Variants in CD164 observed in about 807,000 individuals in gnomAD.
The protein encoded by CD164 is sialomucin core protein 24.
A neutral mutation model predicts 24.6 loss-of-function variants in CD164; 11 were observed. The observed-to-expected ratio is 0.45, with a 90% CI of 0.28 to 0.74. The LOEUF is 0.74. Among genes scored for constraint, CD164 ranks in the 30% least tolerant of loss-of-function variants. The pLI, the probability that CD164 is intolerant of heterozygous loss-of-function variation, is 0.13. For missense variants in CD164, 295 were observed against 243.7 expected (o/e 1.21, Z -1.40); for synonymous variants, 126 against 100.3 (o/e 1.26, Z -1.53).
intron 1 of CD164, chr6:109,381,961 G>A (rs1009033635): frequency 1.6e-5 from 6 of 379,386 alleles, no homozygotes; most frequent in Admixed American, 4.6e-5. Context: ...AACACTTCGA[G>A]GGGGGCCCCA....
chr6:109,369,003 T>A lies in CD164; in HGVS notation c.442A>T (p.Thr148Ser). The part of the protein sequence containing the change: ...TVTTSGTTNN[T>S]VTPTSQPVRK... ...ACAGGTTGTGAGGTTGGAGTCACAG[T>A]GTTATTTGTTGTACCTGTTAGATAA... is the stretch of plus-strand genomic sequence containing the variant. Residue 148 changes from threonine (T) to serine (S), a missense_variant, in exon 6 of 6, where the codon ACT becomes TCT. By Grantham distance (58) the Thr-to-Ser change is moderately conservative. Coordinates refer to ENST00000310786, the MANE Select transcript of CD164 (RefSeq NM_006016.6). 1 of 1,612,282 alleles carries A rather than the reference T, an allele frequency of 6.2e-7. No homozygotes were observed. Among genetic ancestry groups the A allele is most frequent in the Non-Finnish European group, 8.5e-7 (1 of 1,179,316 alleles).
At chr6:109,373,419 G>A (rs949790032) in intron 4 of CD164, among the ~76,000 whole-genome samples, 7 of 152,146 alleles carry the variant, frequency 4.6e-5, no homozygotes, top group African/African-American at 1.4e-4. Flanking sequence ...GCCCGGAAAA[G>A]AAACCGCCTA....
At chr6:109,372,133 T>TA (rs1223792116) in intron 4 of CD164, 1 of 151,974 alleles carries the variant, frequency 6.6e-6, no homozygotes, top group Non-Finnish European at 1.5e-5. Context: ...CAGAAATGAG[T>TA]AATCTTTTCA....
chr6:109,375,616 C>A (rs1771349368), intron 4 of CD164, among the ~76,000 whole-genome samples: 1 of 60,582 alleles, frequency 1.7e-5, no homozygotes, highest in Non-Finnish European at 3.1e-5. Flanking sequence ...GACTTCGCTT[C>A]CAAAAAAAAA....
Position 109,382,357 on chromosome 6 carries a change from G to A in CD164, c.22C>T (p.Leu8=). 1 of 1,554,798 alleles carries A rather than the reference G, an allele frequency of 6.4e-7. No homozygotes were observed. Among genetic ancestry groups the A allele is most frequent in the East Asian group, 2.4e-5 (1 of 41,668 alleles). The change falls in exon 1 of 6, where the codon CTG becomes TTG. Residue 8 remains leucine (L), a synonymous_variant. Coordinates refer to ENST00000310786, the MANE Select transcript of CD164 (RefSeq NM_006016.6). MSRLSRS[L]LWAATCLGVL... ...CCCAGGCAGGTGGCGGCCCAAAGCA[G>A]TGAGCGGGAGAGCCGCGACATCGTG... is the stretch of plus-strand genomic sequence containing the variant.
chr6:109,375,530 T>C (rs956761362), intron 4 of CD164, among the ~76,000 whole-genome samples: 2 of 149,728 alleles, frequency 1.3e-5, no homozygotes, highest in Non-Finnish European at 3.0e-5. Flanking sequence ...GGCAGGAGAA[T>C]CGCTTGAACT....
intron 3 of CD164, 76 bp downstream of exon 3, chr6:109,377,824 A>T (rs1484785961): frequency 1.9e-6 from 2 of 1,054,860 alleles, no homozygotes; most frequent in East Asian, 4.7e-5. Context: ...CAAAGCACTG[A>T]AACAAGGCTT....
chr6:109,375,849 A>G, intron 4 of CD164: 1 of 485,978 alleles, frequency 2.1e-6, no homozygotes, highest in Non-Finnish European at 3.5e-6. Context: ...CAATGTACAC[A>G]GCCTCAGCAA....
At chr6:109,379,728 T>C (rs1582491256) in intron 1 of CD164, 66 bp from the exon 2 acceptor site, 3 of 1,204,648 alleles carry the variant, frequency 2.5e-6, no homozygotes, top group East Asian at 4.7e-5. Flanking sequence ...TGAATCTGTA[T>C]TACTTATCTT....
intron 4 of CD164, 111 bp downstream of exon 4, chr6:109,375,963 A>T: frequency 1.2e-6 from 1 of 805,818 alleles, no homozygotes; most frequent in East Asian, 2.9e-5. Flanking sequence ...TTAAGTTTTT[A>T]CTCATCTTTA....
chr6:109,381,512 T>G (rs531325004), intron 1 of CD164: 1 of 702,610 alleles, frequency 1.4e-6, no homozygotes, highest in East Asian at 2.7e-5. Context: ...ACCTTCCAGT[T>G]TAGCCTTAGG....
chr6:109,376,145 C>T lies in CD164; in HGVS notation c.332-33G>A, dbSNP rs764887351. 8.0e-6 allele frequency: 12 copies of T among 1,492,648 alleles called. No individual in the cohort carries two copies. In the African/African-American group the frequency reaches 8.6e-5, roughly 11 times the overall value. 92.5% of individuals were successfully genotyped at this position (1,492,648 alleles called of 1,614,324 possible). ...AAAAAGAAAAAAGAAAAACCATATACATCAAAGCTATTTAAAATATCACAA... is the reference window on the plus strand; with the variant it reads ...AAAAAGAAAAAAGAAAAACCATATATATCAAAGCTATTTAAAATATCACAA... On this transcript the variant is annotated intron_variant, in intron 3 of 5. Coordinates refer to ENST00000310786, the MANE Select transcript of CD164 (RefSeq NM_006016.6).
chr6:109,379,719 G>C, intron 1 of CD164, 57 bp from the exon 2 acceptor site: 1 of 1,270,768 alleles, frequency 7.9e-7, no homozygotes, highest in Non-Finnish European at 1.1e-6. Flanking sequence ...TATCTTATTT[G>C]AATCTGTATT....
chr6:109,369,886 C>T (rs73527205), intron 5 of CD164, among the ~76,000 whole-genome samples: 4,256 of 152,152 alleles, frequency 0.028, 204 homozygotes, highest in African/African-American at 0.096. Flanking sequence ...TATCCTGTGG[C>T]GTAACCTAAC....
chr6:109,381,314 G>C (rs930423706), intron 1 of CD164, among the ~76,000 whole-genome samples: 1 of 152,146 alleles, frequency 6.6e-6, no homozygotes, highest in Non-Finnish European at 1.5e-5. Context: ...ACACGCTCCT[G>C]ATCGGGTTTT....
chr6:109,372,956 A>G (rs1771168063), intron 4 of CD164: 2 of 152,146 alleles, frequency 1.3e-5, no homozygotes, highest in South Asian at 4.1e-4. Flanking sequence ...CATTGACAAT[A>G]TTTTCAAAAT....
At chr6:109,381,564 T>C (rs548129524) in intron 1 of CD164, 2 of 702,512 alleles carry the variant, frequency 2.8e-6, no homozygotes, top group Admixed American at 4.0e-5. Flanking sequence ...GGTACTTTTC[T>C]TCCTTTTCGC....
In CD164 at chr6:109,381,120, A is replaced by C. The variant is rs376938398; in HGVS notation, c.175+1084T>G. The stretch of plus-strand genomic sequence containing the variant: ...GTTAACTACGTAAACATTACTCCTT[A>C]ACTAATGTTAACTAGAATAACCAAT... On this transcript the variant is annotated intron_variant, in intron 1 of 5. Transcript: ENST00000310786. Among the ~76,000 whole-genome samples, 74 of 152,376 alleles carry C rather than the reference A, an allele frequency of 4.9e-4. 2 individuals are homozygous for C. The South Asian group carries it at 0.015, about 31-fold the overall frequency.
chr6:109,381,491 T>A (rs1470939036), intron 1 of CD164: 2 of 702,168 alleles, frequency 2.8e-6, no homozygotes, highest in African/African-American at 1.7e-5. Context: ...ACCTCCTAGG[T>A]TTCACTACCT....
Sources: gnomAD v4.1 joint callset for allele counts (sites outside exome capture counted in the v4.1 genomes callset) on GRCh38, gnomAD v4.1.1 for gene constraint, MANE v1.5 for transcripts, NCBI Gene and HGNC (gene_info 2026-07-23, HGNC 2026-07-21) for gene names.